Variants in LPP observed in about 807,000 individuals in gnomAD.
The protein encoded by LPP is LIM domain containing preferred translocation partner in lipoma.
Under a neutral mutation model 60.4 loss-of-function variants are expected in LPP, and 38 were observed. The observed-to-expected ratio is 0.63, with a 90% CI of 0.49 to 0.83. The LOEUF (loss-of-function observed/expected upper bound fraction) is 0.83, where lower values mean the gene tolerates loss of function less well. Among genes scored for constraint, LPP ranks in the 40% least tolerant of loss-of-function variants. LPP has a pLI of 0.00. For missense variants in LPP, 902 were observed against 783.6 expected (o/e 1.15, Z -1.80); for synonymous variants, 328 against 290.8 (o/e 1.13, Z -1.30).
At chr3:188,423,587 C>G (rs1207564391) in intron 4 of LPP, among the ~76,000 whole-genome samples, 1 of 152,204 alleles carries the variant, frequency 6.6e-6, no homozygotes, top group African/African-American at 2.4e-5. Flanking sequence ...TCTTATTTCT[C>G]TACATCCTCT....
intron 4 of LPP, among the ~76,000 whole-genome samples, chr3:188,431,553 T>G (rs1044231273): frequency 8.5e-5 from 13 of 152,050 alleles, no homozygotes; most frequent in Admixed American, 6.6e-4. Flanking sequence ...TCTGCCAGAG[T>G]CAAGCTGAGT....
At chr3:188,783,494 A>T (rs1334452856) in intron 9 of LPP, among the ~76,000 whole-genome samples, 1 of 152,154 alleles carries the variant, frequency 6.6e-6, no homozygotes, top group African/African-American at 2.4e-5. Flanking sequence ...TATAAGTGAG[A>T]GCTGAATGAT....
chr3:188,817,821 A>T (rs1409813627), intron 9 of LPP, among the ~76,000 whole-genome samples: 2 of 152,220 alleles, frequency 1.3e-5, no homozygotes, highest in Non-Finnish European at 1.5e-5. Context: ...CAGGGCAAGG[A>T]AATGTCTGGG....
chr3:188,621,261 A>G (rs1389454855), intron 7 of LPP, among the ~76,000 whole-genome samples: 1 of 152,106 alleles, frequency 6.6e-6, no homozygotes, highest in Non-Finnish European at 1.5e-5. Context: ...TACATGGGTA[A>G]TTGGACCCAG....
At chr3:188,334,435 T>TC (rs946808687) in intron 2 of LPP, among the ~76,000 whole-genome samples, 1 of 148,336 alleles carries the variant, frequency 6.7e-6, no homozygotes, top group African/African-American at 2.5e-5. Context: ...TTTTTTTTTT[T>TC]TTTTTTTGAG....
chr3:188,324,123 G>T (rs1402881132), intron 2 of LPP, among the ~76,000 whole-genome samples: 1 of 151,958 alleles, frequency 6.6e-6, no homozygotes, highest in Non-Finnish European at 1.5e-5. Context: ...AATGTGACTT[G>T]GAAAACTGAT....
intron 3 of LPP, among the ~76,000 whole-genome samples, chr3:188,369,241 T>C (rs548259894): frequency 3.9e-5 from 6 of 152,138 alleles, no homozygotes; most frequent in Non-Finnish European, 7.4e-5. Flanking sequence ...CTTATGCCTC[T>C]GAGTTTCTTG....
At chr3:188,354,902 C>T (rs1767103786) in intron 3 of LPP, among the ~76,000 whole-genome samples, 2 of 152,142 alleles carry the variant, frequency 1.3e-5, no homozygotes, top group South Asian at 2.1e-4. Context: ...TCAATTCAAA[C>T]CTGTCTGCTT....
chr3:188,533,924 G>T (rs1403519953), intron 6 of LPP, among the ~76,000 whole-genome samples: 1 of 152,174 alleles, frequency 6.6e-6, no homozygotes, highest in Non-Finnish European at 1.5e-5. Context: ...AAGATGATGT[G>T]TTTGTGTCAT....
chr3:188,234,218 G>A (rs2149388071), intron 2 of LPP, among the ~76,000 whole-genome samples: 1 of 152,302 alleles, frequency 6.6e-6, no homozygotes, highest in South Asian at 2.1e-4. Context: ...AATGGGGTAA[G>A]GGGTTTTGAT....
chr3:188,627,161 TG>T (rs1206124029), intron 7 of LPP, among the ~76,000 whole-genome samples: 1 of 152,242 alleles, frequency 6.6e-6, no homozygotes, highest in East Asian at 1.9e-4. Context: ...ATGATAAGCA[TG>T]AAAGACTGTT....
chr3:188,158,375 G>A (rs1056580781), intron 1 of LPP, among the ~76,000 whole-genome samples: 6 of 152,178 alleles, frequency 3.9e-5, no homozygotes, highest in South Asian at 2.1e-4. Flanking sequence ...ATGAGGCGGA[G>A]AACCTGAGGG....
chr3:188,709,937 A>T (rs1452647987), intron 8 of LPP: 1 of 152,232 alleles, frequency 6.6e-6, no homozygotes, highest in Non-Finnish European at 1.5e-5. Flanking sequence ...TAGTTTCTAA[A>T]TATTAATCCT....
intron 4 of LPP, among the ~76,000 whole-genome samples, chr3:188,481,573 G>A (rs1253731033): frequency 1.3e-5 from 2 of 152,152 alleles, no homozygotes; most frequent in African/African-American, 2.4e-5. Flanking sequence ...GAGAAACAGA[G>A]TAAAGAAGGA....
chr3:188,559,769 A>G lies in LPP; in HGVS notation c.429+34982A>G, dbSNP rs117072825. 3.2e-3 allele frequency among the ~76,000 whole-genome samples: 489 copies of G among 152,210 alleles called. 10 individuals carry two copies. The East Asian group carries it at 0.045, about 14-fold the overall frequency. ...GTTTACTTTTAAAAAGCTACCCAGAATCCTCCAATTTCTCGTCCGAGAATA... is the reference window on the plus strand; with the variant it reads ...GTTTACTTTTAAAAAGCTACCCAGAGTCCTCCAATTTCTCGTCCGAGAATA... On this transcript the variant is annotated intron_variant, in intron 6 of 11. Transcript: ENST00000617246.
chr3:188,533,386 T>C (rs1822711758), intron 6 of LPP, among the ~76,000 whole-genome samples: 1 of 152,240 alleles, frequency 6.6e-6, no homozygotes, highest in Non-Finnish European at 1.5e-5. Flanking sequence ...CTAGAAACTT[T>C]GCTGTTTCTG....
intron 2 of LPP, among the ~76,000 whole-genome samples, chr3:188,269,796 G>T (rs372536810): frequency 1.3e-5 from 2 of 151,974 alleles, no homozygotes; most frequent in South Asian, 4.2e-4. Flanking sequence ...TACTACAGGC[G>T]CGTGCCACCA....
intron 9 of LPP, among the ~76,000 whole-genome samples, 162 bp from the exon 10 acceptor site, chr3:188,866,038 G>A (rs1056285818): frequency 2.0e-5 from 3 of 152,122 alleles, no homozygotes; most frequent in Admixed American, 2.0e-4. Flanking sequence ...CTATTTGTAA[G>A]GACTGTATTA....
chr3:188,383,505 T>G (rs922887337), intron 3 of LPP, among the ~76,000 whole-genome samples: 2 of 152,232 alleles, frequency 1.3e-5, no homozygotes, highest in African/African-American at 4.8e-5. Flanking sequence ...ATACTATATA[T>G]GGATGTCTTT....
Sources: allele counts gnomAD v4.1 joint callset (sites outside exome capture counted in the v4.1 genomes callset), GRCh38; gene constraint gnomAD v4.1.1; transcripts MANE v1.5; gene names NCBI Gene and HGNC (gene_info 2026-07-23, HGNC 2026-07-21).